The following JAZF1 variants were observed in gnomAD, a reference collection of about 807,000 sequenced individuals.
JAZF1 encodes juxtaposed with another zinc finger protein 1.
JAZF1 carries 8 observed loss-of-function variants against 26.4 expected under a neutral mutation model. That is an observed-to-expected ratio of 0.30 (90% CI 0.18 to 0.55). JAZF1 has a LOEUF of 0.55. JAZF1 is among the 20% of genes least tolerant of loss of function. The probability of loss-of-function intolerance (pLI) is 0.94; values close to 1 mark genes in which losing one functional copy is unlikely to be tolerated. For missense variants in JAZF1, 199 were observed against 322.0 expected (o/e 0.62, Z 2.92); for synonymous variants, 126 against 122.3 (o/e 1.03, Z -0.20).
Position 28,110,448 on chromosome 7 carries a change from AAAAGGAAAGGAAAGG to A in JAZF1, c.115+70000_115+70014del, listed in dbSNP as rs147739964. Among the ~76,000 whole-genome samples the A allele has an allele frequency of 5.2e-3, 330 of 64,036 alleles. 7 individuals are homozygous for A. The highest frequency in any genetic ancestry group is 9.8e-3 in the South Asian group (15 of 1,538). 42.0% of individuals were successfully genotyped at this position (64,036 alleles called of 152,430 possible). A position where few individuals can be genotyped will look rare whatever the true frequency, so the allele number is the denominator to read the frequency against. On this transcript the variant is annotated intron_variant, in intron 1 of 4. Coordinates refer to ENST00000283928, the MANE Select transcript of JAZF1 (RefSeq NM_175061.4). ...CAAAAAAAGAAAAAAGAGAGAGAGA[AAAAGGAAAGGAAAGG>A]AAAGGAAAGGAAAGGAAAGGAAAGG...
At chr7:28,058,210 G>C (rs528765957) in intron 1 of JAZF1, among the ~76,000 whole-genome samples, 1 of 152,288 alleles carries the variant, frequency 6.6e-6, no homozygotes, top group East Asian at 1.9e-4. Flanking sequence ...TGTATGCAAG[G>C]AACTCAGAAG....
At chr7:28,155,807 A>C (rs1783175890) in intron 1 of JAZF1, among the ~76,000 whole-genome samples, 1 of 152,232 alleles carries the variant, frequency 6.6e-6, no homozygotes, top group Non-Finnish European at 1.5e-5. Context: ...GCACATGGGA[A>C]GTATAGGAAC....
chr7:27,927,894 G>A (rs1330236696), intron 2 of JAZF1, among the ~76,000 whole-genome samples: 2 of 151,948 alleles, frequency 1.3e-5, no homozygotes, highest in African/African-American at 4.8e-5. Context: ...CAATTTTCAG[G>A]AACCCTATGA....
At chr7:28,096,296 A>T (rs556801607) in intron 1 of JAZF1, among the ~76,000 whole-genome samples, 1 of 152,346 alleles carries the variant, frequency 6.6e-6, no homozygotes, top group East Asian at 1.9e-4. Flanking sequence ...AGTAAAAGGC[A>T]ACACTTTTGG....
intron 1 of JAZF1, among the ~76,000 whole-genome samples, chr7:28,040,283 A>T (rs951011433): frequency 6.6e-6 from 1 of 152,208 alleles, no homozygotes; most frequent in African/African-American, 2.4e-5. Flanking sequence ...GTTGAGTGCC[A>T]ACTATGTGCC....
chr7:28,071,531 A>C, intron 1 of JAZF1: 3 of 456,198 alleles, frequency 6.6e-6, no homozygotes, highest in Non-Finnish European at 1.3e-5. Flanking sequence ...CAATAAATAT[A>C]TTAATACACA....
chr7:27,934,945 T>C (rs1384973695), intron 2 of JAZF1, among the ~76,000 whole-genome samples: 1 of 152,210 alleles, frequency 6.6e-6, no homozygotes, highest in Non-Finnish European at 1.5e-5. Flanking sequence ...TATTTGCAAA[T>C]TTTATATCTG....
Position 27,911,122 on chromosome 7 carries a change from G to A in JAZF1, c.189-15706C>T, listed in dbSNP as rs750133884. Among the ~76,000 whole-genome samples the A allele has an allele frequency of 1.3e-4, 20 of 152,176 alleles. 1 individual carries two copies. The highest frequency in any genetic ancestry group is 2.6e-4 in the Non-Finnish European group (18 of 68,040). ...AAACACCGAAGAGCTACAGCTTTAA[G>A]CCAGATTTAATCCATAGCGTTTTTA... On this transcript the variant is annotated intron_variant, in intron 2 of 4. Coordinates refer to ENST00000283928, the MANE Select transcript of JAZF1 (RefSeq NM_175061.4).
chr7:28,074,533 C>T (rs552859329), intron 1 of JAZF1, among the ~76,000 whole-genome samples: 1 of 151,978 alleles, frequency 6.6e-6, no homozygotes, highest in African/African-American at 2.4e-5. Context: ...ATACAGAGTC[C>T]TAGTTTTTGT....
intron 3 of JAZF1, among the ~76,000 whole-genome samples, chr7:27,863,597 G>A (rs1047033851): frequency 1.3e-5 from 2 of 151,916 alleles, no homozygotes; most frequent in African/African-American, 2.4e-5. Context: ...TCTTCCCCCA[G>A]CACTGGAATG....
At chr7:28,128,102 T>C (rs1782726925) in intron 1 of JAZF1, among the ~76,000 whole-genome samples, 1 of 152,118 alleles carries the variant, frequency 6.6e-6, no homozygotes, top group African/African-American at 2.4e-5. Flanking sequence ...CCATATTAAA[T>C]TGTGAGTTAA....
At chr7:28,023,779 T>C (rs984930989) in intron 1 of JAZF1, among the ~76,000 whole-genome samples, 1 of 152,172 alleles carries the variant, frequency 6.6e-6, no homozygotes, top group South Asian at 2.1e-4. Flanking sequence ...GGCTGACAGG[T>C]AGACAGACAA....
chr7:28,085,564 T>TC (rs1251446471), intron 1 of JAZF1, among the ~76,000 whole-genome samples: 8 of 152,088 alleles, frequency 5.3e-5, no homozygotes, highest in Non-Finnish European at 1.0e-4. Context: ...CAAAGTGTCA[T>TC]CCCCCCGTGA....
rs77912182 is a variant in JAZF1 at position 28,003,959 on chromosome 7, G to A, written c.116-11978C>T. Among the ~76,000 whole-genome samples, 92 of 152,066 alleles carry A rather than the reference G, an allele frequency of 6.0e-4. 1 individual carries two copies. In the East Asian group the frequency reaches 0.017, roughly 28 times the overall value. On this transcript the variant is annotated intron_variant, in intron 1 of 4. Transcript: ENST00000283928. ...TATTTACAGATGGCCAAATATATAC[G>A]TCAAGTATTGGGTGCTAGGCATTGA...
chr7:27,976,321 G>A (rs924833148), intron 2 of JAZF1, among the ~76,000 whole-genome samples: 4 of 139,962 alleles, frequency 2.9e-5, no homozygotes, highest in African/African-American at 1.1e-4. Flanking sequence ...CTCCAGCCTG[G>A]GCAACAGAGC....
intron 3 of JAZF1, chr7:27,841,334 C>A (rs762759727): frequency 1.8e-4 from 27 of 153,314 alleles, no homozygotes; most frequent in Non-Finnish European, 2.3e-4. Context: ...TCGGGGGTTA[C>A]GTTTTGGACT....
intron 2 of JAZF1, among the ~76,000 whole-genome samples, chr7:27,935,804 T>C (rs1433588762): frequency 6.6e-6 from 1 of 152,234 alleles, no homozygotes; most frequent in African/African-American, 2.4e-5. Flanking sequence ...ACAGCCTCTG[T>C]GATCCTGTAG....
chr7:27,945,905 C>G (rs67746093), intron 2 of JAZF1, among the ~76,000 whole-genome samples: 27,394 of 152,158 alleles, frequency 0.18, 3,271 homozygotes, highest in East Asian at 0.45. Flanking sequence ...ATTTGACTTA[C>G]AATTTTTTGA....
chr7:28,086,580 C>A (rs1294771376), intron 1 of JAZF1, among the ~76,000 whole-genome samples: 2 of 152,188 alleles, frequency 1.3e-5, no homozygotes, highest in Non-Finnish European at 2.9e-5. Context: ...AACAGAGCAG[C>A]ACCTTCATTT....
Sources: gnomAD v4.1 joint callset for allele counts (sites outside exome capture counted in the v4.1 genomes callset) on GRCh38, gnomAD v4.1.1 for gene constraint, MANE v1.5 for transcripts, NCBI Gene and HGNC (gene_info 2026-07-23, HGNC 2026-07-21) for gene names.